The following OR2L13 variants were observed in gnomAD, a reference collection of about 807,000 sequenced individuals.
OR2L13 encodes the protein olfactory receptor 2L13.
Under a neutral mutation model 15.3 loss-of-function variants are expected in OR2L13, and 14 were observed. That is an observed-to-expected ratio of 0.91 (90% CI 0.60 to 1.43). The LOEUF (loss-of-function observed/expected upper bound fraction) is 1.43, where lower values mean the gene tolerates loss of function less well. OR2L13 is among the 40% of genes most tolerant of loss of function. The probability of loss-of-function intolerance (pLI) is 0.00; values close to 1 mark genes in which losing one functional copy is unlikely to be tolerated. For synonymous variants in OR2L13, 152 were observed against 142.9 expected, an observed-to-expected ratio of 1.06 and a Z score of -0.45; for missense variants, 367 against 387.9, an observed-to-expected ratio of 0.95 and a Z score of 0.45.
At chr1:248,077,379 C>T in the OR2L13 span, among the ~76,000 whole-genome samples, 3 of 152,190 alleles carry the variant, frequency 2.0e-5, no homozygotes, top group East Asian at 3.8e-4. Flanking sequence ...GGAGGATTCC[C>T]TCTTTTTCTA....
the OR2L13 span, among the ~76,000 whole-genome samples, chr1:248,071,604 A>G: frequency 6.6e-6 from 1 of 152,092 alleles, no homozygotes; most frequent in Non-Finnish European, 1.5e-5. Context: ...CCTATTCAAC[A>G]TAGTGTTGGA....
chr1:247,942,632 G>GAGA, the OR2L13 span, among the ~76,000 whole-genome samples: 1 of 152,134 alleles, frequency 6.6e-6, no homozygotes, highest in African/African-American at 2.4e-5. Context: ...TTGCTCTGCA[G>GAGA]AGAAGCAGAA....
the OR2L13 span, chr1:247,980,931 A>G: frequency 6.6e-6 from 1 of 152,216 alleles, no homozygotes; most frequent in Non-Finnish European, 1.5e-5. Context: ...AGGAGATAAT[A>G]AAAGGTACTA....
chr1:248,071,127 G>T, the OR2L13 span, among the ~76,000 whole-genome samples: 1 of 152,154 alleles, frequency 6.6e-6, no homozygotes, highest in Non-Finnish European at 1.5e-5. Flanking sequence ...CTCATTTTAT[G>T]AGGCCAACAT....
the OR2L13 span, among the ~76,000 whole-genome samples, chr1:248,009,518 G>C: frequency 6.6e-6 from 1 of 152,104 alleles, no homozygotes; most frequent in African/African-American, 2.4e-5. Flanking sequence ...TTCTGAAATT[G>C]AGGCAGTAAT....
At chr1:248,065,312 A>G in the OR2L13 span, among the ~76,000 whole-genome samples, 8 of 152,220 alleles carry the variant, frequency 5.3e-5, no homozygotes, top group Non-Finnish European at 1.0e-4. Context: ...TTCATACCAC[A>G]CAGTGTGCAT....
the OR2L13 span, chr1:248,040,225 CATT>C: frequency 2.6e-5 from 4 of 152,230 alleles, no homozygotes; most frequent in African/African-American, 7.2e-5. Flanking sequence ...AAAGGATCAA[CATT>C]ATTTCATAAA....
the OR2L13 span, among the ~76,000 whole-genome samples, chr1:248,021,464 A>G: frequency 1.3e-5 from 2 of 152,190 alleles, no homozygotes; most frequent in African/African-American, 4.8e-5. Flanking sequence ...TGCAGTCTGA[A>G]AATATTGGGT....
the OR2L13 span, among the ~76,000 whole-genome samples, chr1:248,075,300 C>T: frequency 6.6e-6 from 1 of 151,928 alleles, no homozygotes; most frequent in South Asian, 2.1e-4. Context: ...GTGAATAGTG[C>T]CACAATAAAC....
chr1:247,953,990 G>T, the OR2L13 span, among the ~76,000 whole-genome samples: 3 of 151,562 alleles, frequency 2.0e-5, no homozygotes, highest in African/African-American at 7.3e-5. Flanking sequence ...AAAGTATAAA[G>T]ACATCTTGCT....
the OR2L13 span, among the ~76,000 whole-genome samples, chr1:247,953,055 C>T: frequency 4.6e-5 from 7 of 152,128 alleles, no homozygotes; most frequent in Non-Finnish European, 2.9e-5. Flanking sequence ...TTAGAGGCCA[C>T]TCCTTTCCCC....
intron 2 of OR2L13, among the ~76,000 whole-genome samples, chr1:248,099,137 A>T (rs549045722): frequency 9.2e-5 from 14 of 152,270 alleles, no homozygotes; most frequent in African/African-American, 3.1e-4. Context: ...CTCTGCTGTC[A>T]TCTACAGTAA....
chr1:248,069,017 C>T, the OR2L13 span, among the ~76,000 whole-genome samples: 79 of 152,198 alleles, frequency 5.2e-4, no homozygotes, highest in South Asian at 2.1e-4. Context: ...CTGAAAGTGA[C>T]GGGGAGAATG....
At chr1:247,998,919 G>C in the OR2L13 span, among the ~76,000 whole-genome samples, 3 of 152,252 alleles carry the variant, frequency 2.0e-5, no homozygotes, top group East Asian at 5.8e-4. Context: ...AATGAGCAGA[G>C]CATGTGGAAA....
At chr1:247,960,153 C>T in the OR2L13 span, among the ~76,000 whole-genome samples, 1 of 152,178 alleles carries the variant, frequency 6.6e-6, no homozygotes, top group African/African-American at 2.4e-5. Context: ...AGTTTTCCTT[C>T]TAACAGTCAG....
the OR2L13 span, among the ~76,000 whole-genome samples, chr1:248,000,250 A>T: frequency 6.6e-6 from 1 of 151,946 alleles, no homozygotes; most frequent in Non-Finnish European, 1.5e-5. Flanking sequence ...TGAGGAAAGT[A>T]TAGGGAGGAA....
the OR2L13 span, among the ~76,000 whole-genome samples, chr1:248,048,170 G>C: frequency 6.6e-6 from 1 of 152,140 alleles, no homozygotes; most frequent in African/African-American, 2.4e-5. Flanking sequence ...CTATCTGTGA[G>C]AGCTGATGCA....
chr1:248,058,344 A>T, the OR2L13 span, among the ~76,000 whole-genome samples: 2 of 152,136 alleles, frequency 1.3e-5, no homozygotes, highest in Non-Finnish European at 2.9e-5. Flanking sequence ...TTGATCCATG[A>T]TACAGACCCC....
the OR2L13 span, among the ~76,000 whole-genome samples, chr1:248,085,517 A>G: frequency 6.7e-6 from 1 of 149,440 alleles, no homozygotes; most frequent in Non-Finnish European, 1.5e-5. Context: ...TTTCCAGATT[A>G]TAGTAGGTGT....
Sources: allele counts gnomAD v4.1 joint callset (sites outside exome capture counted in the v4.1 genomes callset), GRCh38; gene constraint gnomAD v4.1.1; transcripts MANE v1.5; gene names NCBI Gene and HGNC (gene_info 2026-07-23, HGNC 2026-07-21).